The following NBEA variants were observed in gnomAD, a reference collection of about 807,000 sequenced individuals.
NBEA encodes lysosomal-trafficking regulator 2.
A neutral mutation model predicts 343.4 loss-of-function variants in NBEA; 44 were observed. The observed-to-expected ratio is 0.13, with a 90% confidence interval of 0.10 to 0.16. The LOEUF (loss-of-function observed/expected upper bound fraction) is 0.16, where lower values mean the gene tolerates loss of function less well. Ranked by LOEUF, NBEA falls within the 10% of genes least tolerant of loss-of-function variation. NBEA has a pLI of 1.00. For missense variants in NBEA, 2,555 were observed against 3,631.3 expected, an observed-to-expected ratio of 0.70 and a Z score of 7.62; for synonymous variants, 1,175 against 1,238.7, an observed-to-expected ratio of 0.95 and a Z score of 1.08.
At chr13:34,992,262 A>ATATATATTT (rs1459023833) in intron 1 of NBEA, among the ~76,000 whole-genome samples, 1 of 114,366 alleles carries the variant, frequency 8.7e-6, no homozygotes, top group Non-Finnish European at 1.7e-5. Flanking sequence ...ATATATATAT[A>ATATATATTT]TTTTTTTTTT....
intron 36 of NBEA, among the ~76,000 whole-genome samples, chr13:35,326,714 C>T (rs571444757): frequency 7.2e-5 from 11 of 151,900 alleles, no homozygotes; most frequent in Non-Finnish European, 7.4e-5. Context: ...TGTCCCGTTC[C>T]AGTTCTCAAG....
intron 38 of NBEA, among the ~76,000 whole-genome samples, chr13:35,371,792 G>A (rs1431699558): frequency 6.6e-6 from 1 of 152,188 alleles, no homozygotes; most frequent in Non-Finnish European, 1.5e-5. Context: ...AGATATGTCT[G>A]TGGTGTTTGT....
intron 38 of NBEA, among the ~76,000 whole-genome samples, chr13:35,411,185 C>G (rs2043561184): frequency 6.6e-6 from 1 of 152,114 alleles, no homozygotes; most frequent in Admixed American, 6.6e-5. Context: ...AGGTCTTTAT[C>G]CTACTTGTTT....
At chr13:35,616,398 T>C (rs1217087449) in intron 48 of NBEA, among the ~76,000 whole-genome samples, 9 of 152,240 alleles carry the variant, frequency 5.9e-5, no homozygotes, top group Non-Finnish European at 1.2e-4. Flanking sequence ...ACTGTCTGTA[T>C]CTGTGCTTAG....
intron 10 of NBEA, among the ~76,000 whole-genome samples, chr13:35,073,246 G>A (rs974833490): frequency 4.6e-5 from 7 of 152,102 alleles, no homozygotes; most frequent in Admixed American, 2.0e-4. Context: ...AGTTCATATC[G>A]ATGATTGGGA....
At chr13:35,623,673 A>G (rs767208739) in intron 48 of NBEA, among the ~76,000 whole-genome samples, 4 of 152,284 alleles carry the variant, frequency 2.6e-5, no homozygotes, top group African/African-American at 4.8e-5. Context: ...ATGAGCATCT[A>G]TGAGCTAATA....
chr13:35,507,260 T>C (rs548091970), intron 41 of NBEA, among the ~76,000 whole-genome samples: 1 of 152,152 alleles, frequency 6.6e-6, no homozygotes, highest in Non-Finnish European at 1.5e-5. Flanking sequence ...ATTCTCTCCT[T>C]TTCTTCAACC....
At chr13:35,468,108 A>ACCCCCCC (rs1346379931) in intron 40 of NBEA, among the ~76,000 whole-genome samples, 13 of 81,228 alleles carry the variant, frequency 1.6e-4, no homozygotes, top group Non-Finnish European at 2.0e-4. Context: ...AATGATTTAC[A>ACCCCCCC]CCCCCCCCCC....
intron 47 of NBEA, among the ~76,000 whole-genome samples, chr13:35,604,082 C>T (rs1213324814): frequency 5.3e-5 from 8 of 152,150 alleles, no homozygotes; most frequent in South Asian, 2.1e-4. Context: ...CTGCTCCTTC[C>T]GTGACTGATA....
intron 17 of NBEA, among the ~76,000 whole-genome samples, chr13:35,124,494 GTA>G (rs2066975593): frequency 7.0e-6 from 1 of 143,634 alleles, no homozygotes; most frequent in Non-Finnish European, 1.5e-5. Flanking sequence ...ATATGTGTGT[GTA>G]TACACACACA....
intron 1 of NBEA, among the ~76,000 whole-genome samples, chr13:35,014,820 T>G (rs1032915996): frequency 1.3e-5 from 2 of 151,872 alleles, no homozygotes; most frequent in Admixed American, 6.6e-5. Flanking sequence ...GCCCAGGCCT[T>G]GGCTGCAGCA....
chr13:35,640,757 G>C (rs1032827909), intron 49 of NBEA, among the ~76,000 whole-genome samples: 7 of 152,180 alleles, frequency 4.6e-5, no homozygotes, highest in Non-Finnish European at 8.8e-5. Context: ...TGAGTTATGT[G>C]TCATATATGT....
Position 35,444,593 on chromosome 13 carries a change from G to C in NBEA, c.6305-7499G>C, listed in dbSNP as rs148744567. 1.5e-3 allele frequency among the ~76,000 whole-genome samples: 234 copies of C among 152,036 alleles called. 1 individual carries two copies. Among genetic ancestry groups the C allele is most frequent in the African/African-American group, 4.5e-3 (187 of 41,510 alleles). On this transcript the variant is annotated intron_variant, in intron 39 of 58. Transcript: ENST00000379939. ...ATGCCATCCTGTTCAACAGATTCCT[G>C]AATGTTTAGAAACAGAATTACCTGA...
intron 41 of NBEA, chr13:35,476,413 C>G (rs991299149): frequency 1.0e-5 from 10 of 997,428 alleles, no homozygotes; most frequent in South Asian, 6.9e-5. Flanking sequence ...CTGTCCTCCC[C>G]CCTCTGCTTG....
intron 1 of NBEA, among the ~76,000 whole-genome samples, chr13:34,960,151 T>G (rs2059615649): frequency 6.6e-6 from 1 of 152,094 alleles, no homozygotes; most frequent in African/African-American, 2.4e-5. Flanking sequence ...GACAGTGTTC[T>G]TGAAGATCCT....
chr13:35,603,781 C>A (rs2082162687), intron 47 of NBEA, among the ~76,000 whole-genome samples: 1 of 152,168 alleles, frequency 6.6e-6, no homozygotes, highest in Non-Finnish European at 1.5e-5. Flanking sequence ...CCCAACCGAG[C>A]AGCTGCACAA....
chr13:35,567,073 A>G (rs1473068700), intron 45 of NBEA, 56 bp downstream of exon 45: 1 of 924,496 alleles, frequency 1.1e-6, no homozygotes, highest in African/African-American at 1.7e-5. Context: ...GTCTAATAGT[A>G]TTTCTGTCAG....
chr13:35,520,570 G>A (rs936217472), intron 41 of NBEA, among the ~76,000 whole-genome samples: 3 of 152,090 alleles, frequency 2.0e-5, no homozygotes, highest in African/African-American at 7.2e-5. Flanking sequence ...GGAGCATGGT[G>A]CCAAGGACGT....
At chr13:35,522,731 G>A (rs924449325) in intron 41 of NBEA, among the ~76,000 whole-genome samples, 1 of 151,988 alleles carries the variant, frequency 6.6e-6, no homozygotes, top group Non-Finnish European at 1.5e-5. Flanking sequence ...GATTCTCATA[G>A]GATCGTGAAC....
Sources: gnomAD v4.1 joint callset for allele counts (sites outside exome capture counted in the v4.1 genomes callset) on GRCh38, gnomAD v4.1.1 for gene constraint, MANE v1.5 for transcripts, NCBI Gene and HGNC (gene_info 2026-07-23, HGNC 2026-07-21) for gene names.